NINL: variants seen among roughly 807,000 people sequenced by gnomAD.
The protein encoded by NINL is ninein-like protein.
In NINL, 153 loss-of-function variants were observed where a neutral mutation model predicts 160.3. The observed-to-expected ratio is 0.95, with a 90% CI of 0.84 to 1.09. The LOEUF (loss-of-function observed/expected upper bound fraction) is 1.09, where lower values mean the gene tolerates loss of function less well. NINL is among the 50% of genes least tolerant of loss of function. The probability of loss-of-function intolerance (pLI) is 0.00; values close to 1 mark genes in which losing one functional copy is unlikely to be tolerated. For synonymous variants in NINL, 800 were observed against 734.8 expected (o/e 1.09, Z -1.43); for missense variants, 1,829 against 1,764.0 (o/e 1.04, Z -0.66).
chr20:25,546,723 T>C (rs1402807827), intron 1 of NINL, among the ~76,000 whole-genome samples: 3 of 151,876 alleles, frequency 2.0e-5, no homozygotes, highest in African/African-American at 7.3e-5. Context: ...CTCTTGAACA[T>C]GTGGAGAGAT....
intron 2 of NINL, among the ~76,000 whole-genome samples, chr20:25,518,955 G>A (rs542390906): frequency 5.3e-5 from 8 of 152,068 alleles, no homozygotes; most frequent in East Asian, 1.9e-4. Context: ...AAAATTAGCC[G>A]GGCATGCTGG....
chr20:25,469,927 T>C (rs1279445624), intron 18 of NINL, 64 bp downstream of exon 18: 1 of 1,079,406 alleles, frequency 9.3e-7, no homozygotes, highest in Non-Finnish European at 1.4e-6. Flanking sequence ...GGAGACTGCA[T>C]AAGGTCACTC....
At chr20:25,560,134 G>C (rs1038137508) in intron 1 of NINL, among the ~76,000 whole-genome samples, 2 of 152,108 alleles carry the variant, frequency 1.3e-5, no homozygotes. Context: ...TTTATAGACA[G>C]GGTCTTGCCT....
At chr20:25,557,514 G>A (rs917699776) in intron 1 of NINL, among the ~76,000 whole-genome samples, 1 of 151,578 alleles carries the variant, frequency 6.6e-6, no homozygotes, top group Non-Finnish European at 1.5e-5. Context: ...CTGGGCAACA[G>A]AGCGAAACTC....
chr20:25,496,711 A>G lies in NINL; in HGVS notation c.1262T>C (p.Met421Thr), dbSNP rs1442662822. 1 of 1,614,024 alleles carries G rather than the reference A, an allele frequency of 6.2e-7. No homozygotes were observed. Among genetic ancestry groups the G allele is most frequent in the African/African-American group, 1.3e-5 (1 of 75,008 alleles). The change falls in exon 10 of 24, where the codon ATG (methionine) becomes ACG (threonine). Residue 421 changes from methionine to threonine, a missense_variant. Coordinates refer to ENST00000278886, the MANE Select transcript of NINL (RefSeq NM_025176.6). Reference sequence around the variant, plus strand: ...CTCCAGGGTGGAGTGGCAGTCGTCCATCTCTTTCACAAACTCCAGGTTCCT... The same window carrying G: ...CTCCAGGGTGGAGTGGCAGTCGTCCGTCTCTTTCACAAACTCCAGGTTCCT... ...EKRNLEFVKE[M>T]DDCHSTLEQL...
intron 17 of NINL, among the ~76,000 whole-genome samples, chr20:25,474,377 C>T (rs756401637): frequency 2.0e-5 from 3 of 152,194 alleles, no homozygotes; most frequent in Non-Finnish European, 4.4e-5. Flanking sequence ...TGTTAAGCCA[C>T]CAAGTCCGTG....
At chr20:25,543,506 T>C (rs770599900) in intron 1 of NINL, among the ~76,000 whole-genome samples, 1 of 152,180 alleles carries the variant, frequency 6.6e-6, no homozygotes, top group Non-Finnish European at 1.5e-5. Flanking sequence ...TATGGCTGTT[T>C]CATGCCCAAC....
chr20:25,527,164 T>C (rs1035634252), intron 1 of NINL, among the ~76,000 whole-genome samples: 1 of 152,154 alleles, frequency 6.6e-6, no homozygotes, highest in Admixed American at 6.5e-5. Flanking sequence ...TGATTTTTTT[T>C]TTTTTGGGAG....
chr20:25,505,450 T>A (rs541940372), intron 5 of NINL, among the ~76,000 whole-genome samples: 1 of 152,066 alleles, frequency 6.6e-6, no homozygotes, highest in African/African-American at 2.4e-5. Flanking sequence ...GCTAAGAGAG[T>A]CTATCTCAAG....
In NINL at chr20:25,510,710, T is replaced by TGCTCTCG. The variant is rs2064053788; in HGVS notation, c.474_480dup (p.Thr161ArgfsTer4). On this transcript the variant is annotated frameshift_variant, in exon 5 of 24. Transcript: ENST00000278886. LOFTEE classifies it high-confidence loss of function. ...AATAATTCATTCTGAGCTTCTTTAG[T>TGCTCTCG]GCTCTCGGCCTCTTCATCTGACTTG... 1 of 1,613,984 alleles carries TGCTCTCG rather than the reference T, an allele frequency of 6.2e-7. No individual in the cohort carries two copies. Among genetic ancestry groups the TGCTCTCG allele is most frequent in the Non-Finnish European group, 8.5e-7 (1 of 1,179,978 alleles).
chr20:25,491,796 G>A (rs1259713563), intron 10 of NINL, among the ~76,000 whole-genome samples: 1 of 152,250 alleles, frequency 6.6e-6, no homozygotes, highest in East Asian at 1.9e-4. Flanking sequence ...GAGGAGCACA[G>A]CTCCCTGGGG....
At chr20:25,502,886 G>A (rs566654670) in intron 7 of NINL, among the ~76,000 whole-genome samples, 31 of 152,312 alleles carry the variant, frequency 2.0e-4, no homozygotes, top group South Asian at 4.1e-4. Flanking sequence ...CTGCAGAATC[G>A]TGAGTTAATT....
At chr20:25,561,031 TC>T (rs1160252906) in intron 1 of NINL, among the ~76,000 whole-genome samples, 1 of 38,450 alleles carries the variant, frequency 2.6e-5, no homozygotes, top group Non-Finnish European at 6.9e-5. Context: ...CCTCTCCCTC[TC>T]CCCTCCTCTC....
intron 1 of NINL, among the ~76,000 whole-genome samples, chr20:25,584,625 C>G (rs2065207543): frequency 6.6e-6 from 1 of 152,220 alleles, no homozygotes; most frequent in African/African-American, 2.4e-5. Flanking sequence ...ATCACTTGCC[C>G]TTCTCCAAGG....
intron 1 of NINL, among the ~76,000 whole-genome samples, chr20:25,552,628 G>A (rs1045574836): frequency 2.0e-5 from 3 of 152,186 alleles, no homozygotes; most frequent in Non-Finnish European, 4.4e-5. Context: ...CAAGCCTCCA[G>A]CATTTGGTCA....
At chr20:25,543,979 G>A (rs1478089709) in intron 1 of NINL, among the ~76,000 whole-genome samples, 1 of 144,962 alleles carries the variant, frequency 6.9e-6, no homozygotes, top group African/African-American at 2.7e-5. Context: ...ATAATGTAAG[G>A]TAAGAGTCCA....
intron 1 of NINL, among the ~76,000 whole-genome samples, 160 bp downstream of exon 1, chr20:25,585,295 G>C (rs1258392881): frequency 6.6e-6 from 1 of 152,212 alleles, no homozygotes; most frequent in African/African-American, 2.4e-5. Context: ...CACCACAGCA[G>C]ATGCGCCGAG....
At chr20:25,484,072 A>G (rs916807744) in intron 13 of NINL, among the ~76,000 whole-genome samples, 1 of 152,228 alleles carries the variant, frequency 6.6e-6, no homozygotes, top group African/African-American at 2.4e-5. Flanking sequence ...CCACGTGGAG[A>G]GGCCCAGATG....
chr20:25,494,626 A>C (rs1342792377), intron 10 of NINL, among the ~76,000 whole-genome samples: 1 of 152,170 alleles, frequency 6.6e-6, no homozygotes, highest in East Asian at 1.9e-4. Context: ...AGGCGGGGTG[A>C]GGCCCCGCCC....
Sources: allele counts gnomAD v4.1 joint callset (sites outside exome capture counted in the v4.1 genomes callset), GRCh38; gene constraint gnomAD v4.1.1; transcripts MANE v1.5; gene names NCBI Gene and HGNC (gene_info 2026-07-23, HGNC 2026-07-21).